PPARGC1A: variants seen among roughly 807,000 people sequenced by gnomAD.
PPARGC1A encodes the protein PPARG coactivator 1 alpha.
In PPARGC1A, 25 loss-of-function variants were observed where a neutral mutation model predicts 88.7. The observed-to-expected ratio is 0.28, with a 90% CI of 0.21 to 0.39. The LOEUF is 0.39. Among genes scored for constraint, PPARGC1A ranks in the 10% least tolerant of loss-of-function variants. PPARGC1A has a pLI of 1.00. For synonymous variants in PPARGC1A, 363 were observed against 355.6 expected, an observed-to-expected ratio of 1.02 and a Z score of -0.24; for missense variants, 880 against 968.7, an observed-to-expected ratio of 0.91 and a Z score of 1.22.
chr4:24,272,679 A>AAC, the PPARGC1A span, among the ~76,000 whole-genome samples: 38 of 152,322 alleles, frequency 2.5e-4, no homozygotes, highest in African/African-American at 9.1e-4. Context: ...AAGAACCCCC[A>AAC]ACGTCATCAT....
chr4:24,002,095 CACAGAGAG>C, the PPARGC1A span, among the ~76,000 whole-genome samples: 17 of 116,838 alleles, frequency 1.5e-4, no homozygotes, highest in Non-Finnish European at 2.8e-4. Flanking sequence ...CACACACACA[CACAGAGAG>C]AGAGAGAGAG....
chr4:24,079,648 A>G, the PPARGC1A span, among the ~76,000 whole-genome samples: 1 of 152,082 alleles, frequency 6.6e-6, no homozygotes, highest in South Asian at 2.1e-4. Flanking sequence ...ATTTATGCTT[A>G]GAGGCCTTCT....
the PPARGC1A span, among the ~76,000 whole-genome samples, chr4:24,115,814 A>G: frequency 6.6e-6 from 1 of 152,146 alleles, no homozygotes; most frequent in Non-Finnish European, 1.5e-5. Flanking sequence ...CTCTCTGATA[A>G]GATCAGAGAC....
chr4:24,397,619 G>T, the PPARGC1A span, among the ~76,000 whole-genome samples: 1 of 152,176 alleles, frequency 6.6e-6, no homozygotes, highest in African/African-American at 2.4e-5. Flanking sequence ...TGGAACGGAT[G>T]ACTAGCGCTC....
At chr4:24,315,433 A>G in the PPARGC1A span, among the ~76,000 whole-genome samples, 2 of 152,212 alleles carry the variant, frequency 1.3e-5, no homozygotes, top group Non-Finnish European at 2.9e-5. Flanking sequence ...GCATAGCGTT[A>G]GGTGCCAAAC....
chr4:23,867,537 T>C (rs1386203236), intron 2 of PPARGC1A, among the ~76,000 whole-genome samples: 1 of 152,236 alleles, frequency 6.6e-6, no homozygotes, highest in Non-Finnish European at 1.5e-5. Context: ...CAGCTTTTGC[T>C]AAAATAGCAG....
the PPARGC1A span, among the ~76,000 whole-genome samples, chr4:24,392,169 G>A: frequency 6.6e-6 from 1 of 152,134 alleles, no homozygotes; most frequent in African/African-American, 2.4e-5. Flanking sequence ...GGGAAGGACA[G>A]TTACATGTGT....
chr4:24,312,043 G>A, the PPARGC1A span, among the ~76,000 whole-genome samples: 4 of 152,232 alleles, frequency 2.6e-5, no homozygotes, highest in African/African-American at 4.8e-5. Flanking sequence ...CTCGTCTCCC[G>A]CTTTGCACAG....
At chr4:24,245,283 CATAA>C in the PPARGC1A span, among the ~76,000 whole-genome samples, 14 of 152,344 alleles carry the variant, frequency 9.2e-5, no homozygotes, top group South Asian at 2.1e-4. Flanking sequence ...GCCCCAAGCT[CATAA>C]ATAAAGCATT....
the PPARGC1A span, among the ~76,000 whole-genome samples, chr4:24,001,277 G>A: frequency 1.3e-5 from 2 of 152,162 alleles, no homozygotes; most frequent in African/African-American, 2.4e-5. Context: ...TGGAAGTGGG[G>A]AGGAAATAAT....
the PPARGC1A span, among the ~76,000 whole-genome samples, chr4:24,254,215 C>T: frequency 1.3e-5 from 2 of 152,124 alleles, no homozygotes; most frequent in African/African-American, 4.8e-5. Context: ...CATATGTTAC[C>T]TCAGTTATGC....
the PPARGC1A span, among the ~76,000 whole-genome samples, chr4:24,003,603 A>T: frequency 6.6e-6 from 1 of 152,094 alleles, no homozygotes; most frequent in Non-Finnish European, 1.5e-5. Context: ...TAAGCATAAG[A>T]CCAGTAAGTA....
the PPARGC1A span, among the ~76,000 whole-genome samples, chr4:24,092,728 G>A: frequency 6.6e-6 from 1 of 152,156 alleles, no homozygotes; most frequent in African/African-American, 2.4e-5. Context: ...CCATTCTACA[G>A]AACAACCCTT....
intron 2 of PPARGC1A, among the ~76,000 whole-genome samples, chr4:23,865,097 A>G (rs925823517): frequency 3.3e-5 from 5 of 152,152 alleles, no homozygotes; most frequent in African/African-American, 7.2e-5. Context: ...AGGCAGGAGA[A>G]TCACTTGAAC....
intron 2 of PPARGC1A, among the ~76,000 whole-genome samples, chr4:23,834,505 C>T (rs1475703270): frequency 2.0e-5 from 3 of 150,954 alleles, no homozygotes; most frequent in African/African-American, 7.3e-5. Context: ...AAAAAACAAC[C>T]AAACCTCTAG....
At chr4:24,074,529 T>C in the PPARGC1A span, among the ~76,000 whole-genome samples, 1 of 152,188 alleles carries the variant, frequency 6.6e-6, no homozygotes, top group African/African-American at 2.4e-5. Flanking sequence ...CATAATGATT[T>C]GACATACAAA....
At chr4:23,893,066 A>G (rs1718084944), upstream of PPARGC1A, among the ~76,000 whole-genome samples, 1 of 152,140 alleles carries the variant, frequency 6.6e-6, no homozygotes, top group Non-Finnish European at 1.5e-5. Flanking sequence ...GCATATCTAC[A>G]CAAAGCCTAC....
chr4:24,305,668 C>A, the PPARGC1A span, among the ~76,000 whole-genome samples: 1 of 152,056 alleles, frequency 6.6e-6, no homozygotes, highest in Admixed American at 6.6e-5. Flanking sequence ...CAAAATTAGC[C>A]GGATGTGGTG....
the PPARGC1A span, among the ~76,000 whole-genome samples, chr4:24,401,218 C>T: frequency 6.6e-6 from 1 of 151,796 alleles, no homozygotes; most frequent in Non-Finnish European, 1.5e-5. Context: ...CAGGGTTTCA[C>T]CGTGTTAGCC....
Sources: gnomAD v4.1 joint callset for allele counts (sites outside exome capture counted in the v4.1 genomes callset) on GRCh38, gnomAD v4.1.1 for gene constraint, MANE v1.5 for transcripts, NCBI Gene and HGNC (gene_info 2026-07-23, HGNC 2026-07-21) for gene names.